Variants in GTF2F2 observed in about 807,000 individuals in gnomAD.
GTF2F2 encodes general transcription factor IIF subunit 2, also known as ATP-dependent helicase GTF2F2.
A neutral mutation model predicts 42.2 loss-of-function variants in GTF2F2; 23 were observed. The ratio of observed to expected loss-of-function variants is 0.55; its 90% CI spans 0.39 to 0.77. The LOEUF (loss-of-function observed/expected upper bound fraction) is 0.77. Among genes scored for constraint, GTF2F2 ranks in the 30% least tolerant of loss-of-function variants. GTF2F2 has a pLI of 0.00. For synonymous variants in GTF2F2, 105 were observed against 100.8 expected, an observed-to-expected ratio of 1.04 and a Z score of -0.25; for missense variants, 261 against 287.2, an observed-to-expected ratio of 0.91 and a Z score of 0.66.
intron 4 of GTF2F2, among the ~76,000 whole-genome samples, chr13:45,181,227 C>T (rs1270488978): frequency 6.6e-6 from 1 of 150,810 alleles, no homozygotes; most frequent in Non-Finnish European, 1.5e-5. Context: ...AGGTGATATC[C>T]AGATATCATG....
intron 6 of GTF2F2, among the ~76,000 whole-genome samples, chr13:45,265,208 G>A (rs1466709823): frequency 7.3e-5 from 11 of 151,176 alleles, no homozygotes; most frequent in Admixed American, 6.6e-4. Flanking sequence ...GTGGTGAGCC[G>A]AGATTGCACC....
intron 4 of GTF2F2, among the ~76,000 whole-genome samples, chr13:45,187,721 G>A (rs1185289994): frequency 6.6e-6 from 1 of 152,204 alleles, no homozygotes; most frequent in Admixed American, 6.5e-5. Context: ...AAATACAAAT[G>A]ATTTCTAAGT....
chr13:45,226,275 T>TAA (rs1313337853), intron 5 of GTF2F2, among the ~76,000 whole-genome samples: 1 of 152,210 alleles, frequency 6.6e-6, no homozygotes, highest in Non-Finnish European at 1.5e-5. Flanking sequence ...GCTCTAAACT[T>TAA]ACGCTGTTGG....
intron 1 of GTF2F2, among the ~76,000 whole-genome samples, chr13:45,131,889 C>A (rs1593445560): frequency 7.6e-6 from 1 of 131,274 alleles, no homozygotes; most frequent in South Asian, 2.3e-4. Flanking sequence ...CAGAATGAGA[C>A]CCTGTCTCAA....
intron 2 of GTF2F2, among the ~76,000 whole-genome samples, chr13:45,147,172 C>T (rs751288723): frequency 4.6e-5 from 7 of 152,148 alleles, no homozygotes; most frequent in Non-Finnish European, 1.0e-4. Context: ...TTTAATTCAT[C>T]TTTTTTCCTA....
At chr13:45,267,997 T>G (rs1345322740) in intron 7 of GTF2F2, among the ~76,000 whole-genome samples, 1 of 152,126 alleles carries the variant, frequency 6.6e-6, no homozygotes, top group East Asian at 1.9e-4. Flanking sequence ...TTATCTCTTC[T>G]CTAGGCTTTT....
At chr13:45,202,319 G>C (rs780949513) in intron 4 of GTF2F2, among the ~76,000 whole-genome samples, 1 of 152,128 alleles carries the variant, frequency 6.6e-6, no homozygotes, top group Non-Finnish European at 1.5e-5. Flanking sequence ...CCCAGGAGGC[G>C]GAGGTTGCGG....
intron 5 of GTF2F2, among the ~76,000 whole-genome samples, chr13:45,244,136 T>C (rs889005167): frequency 5.3e-5 from 8 of 152,190 alleles, no homozygotes; most frequent in Non-Finnish European, 1.2e-4. Flanking sequence ...TTCAGTGTTA[T>C]AAAGGAGAAT....
intron 5 of GTF2F2, among the ~76,000 whole-genome samples, chr13:45,223,262 TAAAAAAAAAAAAAA>T (rs60690884): frequency 2.1e-5 from 2 of 96,318 alleles, no homozygotes; most frequent in African/African-American, 3.5e-5. Flanking sequence ...CTTGTCTCAA[TAAAAAAAAAAAAAA>T]AAAAAAAAAA....
Position 45,191,224 on chromosome 13 carries a change from A to AAAAAATAT in GTF2F2, c.305-16199_305-16198insAAAATATA. On this transcript the variant is annotated intron_variant, in intron 4 of 7. Transcript: ENST00000340473. Reference sequence around the variant, plus strand: ...GTCTCTACTAAAAATACAAAAAAAAAATATATATATATATATATATATATA... The same window carrying AAAAAATAT: ...GTCTCTACTAAAAATACAAAAAAAAAAAAAATATATATATATATATATATATATATATA... 8.1e-4 allele frequency among the ~76,000 whole-genome samples: 61 copies of AAAAAATAT among 75,310 alleles called. 1 individual carries two copies. The highest frequency in any genetic ancestry group is 2.9e-3 in the African/African-American group (29 of 10,000). The allele number at this position is 75,310 out of a possible 152,430, so 49.4% of individuals were successfully genotyped here. A position where few individuals can be genotyped will look rare whatever the true frequency, so the allele number is the denominator to read the frequency against.
intron 4 of GTF2F2, among the ~76,000 whole-genome samples, chr13:45,167,833 G>C (rs1028216910): frequency 7.2e-5 from 11 of 152,112 alleles, no homozygotes; most frequent in African/African-American, 2.7e-4. Context: ...TTACAGGCAT[G>C]AGCCACCACG....
At chr13:45,179,640 A>G (rs962859648) in intron 4 of GTF2F2, among the ~76,000 whole-genome samples, 1 of 152,204 alleles carries the variant, frequency 6.6e-6, no homozygotes, top group Non-Finnish European at 1.5e-5. Context: ...GGCTGTCTAA[A>G]CAAAGAGTCT....
intron 4 of GTF2F2, among the ~76,000 whole-genome samples, chr13:45,184,128 T>C (rs573130862): frequency 6.6e-6 from 1 of 152,212 alleles, no homozygotes; most frequent in Admixed American, 6.5e-5. Context: ...AGTGAGCGAC[T>C]GCACCTGGCC....
intron 5 of GTF2F2, among the ~76,000 whole-genome samples, chr13:45,237,676 C>T (rs961964786): frequency 1.1e-4 from 16 of 152,170 alleles, no homozygotes; most frequent in Non-Finnish European, 1.6e-4. Flanking sequence ...AAAATCAGAG[C>T]TTGGTTTCAG....
At chr13:45,215,747 G>A (rs1873859369) in intron 5 of GTF2F2, among the ~76,000 whole-genome samples, 1 of 148,010 alleles carries the variant, frequency 6.8e-6, no homozygotes, top group Non-Finnish European at 1.5e-5. Flanking sequence ...GACAGAGCGG[G>A]ACTCTGTCTG....
At chr13:45,235,429 G>A (rs966545271) in intron 5 of GTF2F2, among the ~76,000 whole-genome samples, 23 of 150,688 alleles carry the variant, frequency 1.5e-4, no homozygotes, top group Admixed American at 4.6e-4. Context: ...ATAGGCTTGA[G>A]TTTTCTTCTG....
At chr13:45,133,683 G>C (rs1274667228) in intron 1 of GTF2F2, among the ~76,000 whole-genome samples, 2 of 152,158 alleles carry the variant, frequency 1.3e-5, no homozygotes, top group Admixed American at 1.3e-4. Context: ...ATGGACATCT[G>C]GGCTGCATGG....
chr13:45,168,946 C>G (rs1313816693), intron 4 of GTF2F2, among the ~76,000 whole-genome samples: 1 of 129,366 alleles, frequency 7.7e-6, no homozygotes, highest in Non-Finnish European at 1.6e-5. Flanking sequence ...CTCCTTCCTT[C>G]TTTCCCTCTT....
intron 4 of GTF2F2, among the ~76,000 whole-genome samples, chr13:45,191,419 T>C (rs1872652513): frequency 6.6e-6 from 1 of 151,226 alleles, no homozygotes; most frequent in Non-Finnish European, 1.5e-5. Context: ...TGGAACAGTA[T>C]TTACTTATGA....
Sources: gnomAD v4.1 joint callset for allele counts (sites outside exome capture counted in the v4.1 genomes callset) on GRCh38, gnomAD v4.1.1 for gene constraint, MANE v1.5 for transcripts, NCBI Gene and HGNC (gene_info 2026-07-23, HGNC 2026-07-21) for gene names.